The following PRSS23 variants were observed in gnomAD, a reference collection of about 807,000 sequenced individuals.
PRSS23 encodes serine protease 23, also known as protease, serine 23.
A neutral mutation model predicts 34.7 loss-of-function variants in PRSS23; 25 were observed. The observed-to-expected ratio is 0.72, with a 90% CI of 0.53 to 1.01. The LOEUF is 1.01. Among genes scored for constraint, PRSS23 ranks in the 50% least tolerant of loss-of-function variants. PRSS23 has a pLI of 0.00. For synonymous variants in PRSS23, 176 were observed against 186.6 expected, an observed-to-expected ratio of 0.94 and a Z score of 0.46; for missense variants, 445 against 475.6, an observed-to-expected ratio of 0.94 and a Z score of 0.60.
intron 2 of PRSS23, chr11:86,837,207 C>T (rs959673558): frequency 6.6e-6 from 1 of 152,284 alleles, no homozygotes; most frequent in East Asian, 1.9e-4. Flanking sequence ...AAATTAAGAA[C>T]TCAAATGTAT....
intron 2 of PRSS23, among the ~76,000 whole-genome samples, chr11:86,945,233 A>G (rs1949232798): frequency 6.6e-6 from 1 of 152,224 alleles, no homozygotes; most frequent in African/African-American, 2.4e-5. Flanking sequence ...TGAAGAAAAA[A>G]AAAGCCCCCT....
chr11:86,893,656 T>C (rs1347557261), intron 2 of PRSS23, among the ~76,000 whole-genome samples: 1 of 152,236 alleles, frequency 6.6e-6, no homozygotes, highest in Non-Finnish European at 1.5e-5. Flanking sequence ...GATGGATAGA[T>C]ATAGATATAT....
At chr11:86,900,304 A>G (rs1283396659) in intron 2 of PRSS23, among the ~76,000 whole-genome samples, 1 of 152,198 alleles carries the variant, frequency 6.6e-6, no homozygotes, top group Non-Finnish European at 1.5e-5. Flanking sequence ...CATTTGGTAC[A>G]GGGAGGCAGG....
intron 2 of PRSS23, among the ~76,000 whole-genome samples, chr11:86,929,224 A>G (rs1460878447): frequency 6.6e-6 from 1 of 151,628 alleles, no homozygotes; most frequent in African/African-American, 2.4e-5. Context: ...GGGTAGGCTG[A>G]GGCAGGCGAA....
At chr11:86,903,650 T>C (rs1948925166) in intron 2 of PRSS23, among the ~76,000 whole-genome samples, 3 of 151,902 alleles carry the variant, frequency 2.0e-5, no homozygotes, top group Admixed American at 2.0e-4. Flanking sequence ...TCCTGGCTAA[T>C]TTTTTTGTAT....
Position 86,944,899 on chromosome 11 carries a change from AG to A in PRSS23, c.207-6314del, listed in dbSNP as rs1273176783. Among the ~76,000 whole-genome samples the A allele has an allele frequency of 8.5e-5, 13 of 152,310 alleles. No individual in the cohort carries two copies. In the East Asian group the frequency reaches 2.1e-3, roughly 25 times the overall value. On this transcript the variant is annotated intron_variant, in intron 2 of 2. Transcript: ENST00000533902. The stretch of plus-strand genomic sequence containing the variant: ...ATGGGCTTTTTACTCACACCAAAAC[AG>A]GGTGGTATTCAAGTGAAGCTAAAGG...
At chr11:86,798,576 G>A (rs1050457305), upstream of PRSS23, among the ~76,000 whole-genome samples, 29 of 152,218 alleles carry the variant, frequency 1.9e-4, no homozygotes, top group African/African-American at 6.8e-4. Flanking sequence ...AATGCTGATA[G>A]TAGTCCAGGA....
At chr11:86,924,385 A>G (rs1157780357) in intron 2 of PRSS23, among the ~76,000 whole-genome samples, 1 of 152,210 alleles carries the variant, frequency 6.6e-6, no homozygotes, top group South Asian at 2.1e-4. Flanking sequence ...TACAACAACA[A>G]CAAAATGATG....
intron 1 of PRSS23, 124 bp from the exon 2 acceptor site, chr11:86,807,507 C>T (rs1019079357): frequency 7.5e-6 from 7 of 929,542 alleles, no homozygotes; most frequent in South Asian, 7.4e-5. Context: ...CTCTCCACAC[C>T]CTGATTCCTG....
chr11:86,793,495 C>T (rs1031841755), intron 1 of PRSS23, among the ~76,000 whole-genome samples: 3 of 152,106 alleles, frequency 2.0e-5, no homozygotes, highest in South Asian at 4.2e-4. Context: ...GTAGCCATAG[C>T]GTGAGTAGTG....
chr11:86,931,118 A>G (rs1011589175), intron 2 of PRSS23, among the ~76,000 whole-genome samples: 6 of 152,238 alleles, frequency 3.9e-5, no homozygotes, highest in African/African-American at 1.2e-4. Flanking sequence ...GACTGGAGGA[A>G]GCAAGACTGG....
intron 2 of PRSS23, among the ~76,000 whole-genome samples, chr11:86,853,547 G>A (rs1052840746): frequency 2.0e-5 from 3 of 152,034 alleles, no homozygotes; most frequent in African/African-American, 7.2e-5. Flanking sequence ...GAGCCACTGC[G>A]CTGGCCAGAA....
chr11:86,887,427 CAG>C (rs1323961420), intron 2 of PRSS23, among the ~76,000 whole-genome samples: 25 of 142,410 alleles, frequency 1.8e-4, no homozygotes, highest in Middle Eastern at 3.3e-3. Context: ...AAAAAAAAAA[CAG>C]AAGCATGAAC....
chr11:86,823,185 C>A (rs1403119068), intron 1 of PRSS23: 2 of 590,328 alleles, frequency 3.4e-6, no homozygotes, highest in African/African-American at 3.7e-5. Context: ...AAGGATGATA[C>A]ATACAATTTA....
chr11:86,851,632 C>T (rs1453799371), intron 2 of PRSS23, among the ~76,000 whole-genome samples: 3 of 152,144 alleles, frequency 2.0e-5, no homozygotes, highest in Admixed American at 2.0e-4. Flanking sequence ...TATGAAAATG[C>T]GTCACAACTT....
At chr11:86,914,083 A>C (rs1590925856) in intron 2 of PRSS23, among the ~76,000 whole-genome samples, 2 of 150,240 alleles carry the variant, frequency 1.3e-5, no homozygotes, top group Admixed American at 1.3e-4. Flanking sequence ...AGCCAGACAC[A>C]GACGTGGTGG....
chr11:86,873,663 C>G (rs1948703838), intron 2 of PRSS23, among the ~76,000 whole-genome samples: 1 of 152,144 alleles, frequency 6.6e-6, no homozygotes, highest in Non-Finnish European at 1.5e-5. Flanking sequence ...CCACTCAGAG[C>G]CTTTCCCTCA....
intron 2 of PRSS23, among the ~76,000 whole-genome samples, chr11:86,930,394 A>G (rs56217539): frequency 0.11 from 16,344 of 152,224 alleles, 927 homozygotes; most frequent in Non-Finnish European, 0.11. Flanking sequence ...AACATGTAAC[A>G]GGGGATCTAA....
intron 2 of PRSS23, among the ~76,000 whole-genome samples, chr11:86,897,739 G>C (rs947819481): frequency 3.9e-5 from 6 of 152,134 alleles, no homozygotes; most frequent in African/African-American, 4.8e-5. Flanking sequence ...TGGTTGCTGG[G>C]ATTATGGTGT....
Sources: allele counts gnomAD v4.1 joint callset (sites outside exome capture counted in the v4.1 genomes callset), GRCh38; gene constraint gnomAD v4.1.1; transcripts MANE v1.5; gene names NCBI Gene and HGNC (gene_info 2026-07-23, HGNC 2026-07-21).